ZFAT: variants seen among roughly 807,000 people sequenced by gnomAD.
ZFAT encodes zinc finger and AT-hook domain containing, also known as zinc finger protein ZFAT.
Under a neutral mutation model 117.7 loss-of-function variants are expected in ZFAT, and 64 were observed. The ratio of observed to expected loss-of-function variants is 0.54; its 90% CI spans 0.44 to 0.67. The LOEUF (loss-of-function observed/expected upper bound fraction) is 0.67. ZFAT is among the 30% of genes least tolerant of loss of function. The pLI is 0.00. For missense variants in ZFAT, 1,433 were observed against 1,584.5 expected (o/e 0.90, Z 1.62); for synonymous variants, 679 against 615.0 (o/e 1.10, Z -1.54).
At chr8:134,682,451 T>G (rs115308107) in intron 1 of ZFAT, among the ~76,000 whole-genome samples, 2,992 of 152,076 alleles carry the variant, frequency 0.02, 120 homozygotes, top group African/African-American at 0.069. Flanking sequence ...AGCTCAGGAG[T>G]TCGAGACCAC....
At chr8:134,743,431 G>A in the ZFAT span, among the ~76,000 whole-genome samples, 70 of 152,240 alleles carry the variant, frequency 4.6e-4, no homozygotes, top group African/African-American at 1.6e-3. Context: ...GGAGTTTGCA[G>A]TGAGCTGAGA....
At chr8:134,823,962 G>A in the ZFAT span, among the ~76,000 whole-genome samples, 1 of 152,272 alleles carries the variant, frequency 6.6e-6, no homozygotes, top group African/African-American at 2.4e-5. Flanking sequence ...ATTCACATTA[G>A]TGTTTATTAA....
At position 134,697,196 on chromosome 8, in the gene ZFAT, C is replaced by G. The variant is rs1376522303; in HGVS notation, c.19+15649G>C. Among the ~76,000 whole-genome samples the G allele has an allele frequency of 2.1e-4, 32 of 152,074 alleles. 1 individual carries two copies. Among genetic ancestry groups the G allele is most frequent in the African/African-American group, 6.5e-4 (27 of 41,432 alleles). On this transcript the variant is annotated intron_variant, in intron 1 of 15. Coordinates refer to ENST00000377838, the MANE Select transcript of ZFAT (RefSeq NM_020863.4). Reference sequence around the variant, plus strand: ...GTGGCACGATCTCGGCTTACTGCAACCTCCGCCTCCCTGGTTCAAGCAATT... The same window carrying G: ...GTGGCACGATCTCGGCTTACTGCAAGCTCCGCCTCCCTGGTTCAAGCAATT...
intron 3 of ZFAT, among the ~76,000 whole-genome samples, chr8:134,621,306 CT>C (rs1829088468): frequency 6.6e-6 from 1 of 151,972 alleles, no homozygotes; most frequent in Admixed American, 6.6e-5. Context: ...AGTATTTTCC[CT>C]TTAGTCAATA....
the ZFAT span, among the ~76,000 whole-genome samples, chr8:134,728,927 T>G: frequency 1.3e-5 from 2 of 152,254 alleles, no homozygotes; most frequent in African/African-American, 4.8e-5. Context: ...TTCTGGATTT[T>G]TTTTAATGGA....
the ZFAT span, among the ~76,000 whole-genome samples, chr8:134,727,810 T>C: frequency 6.6e-6 from 1 of 152,328 alleles, no homozygotes; most frequent in African/African-American, 2.4e-5. Context: ...AATAAAACCC[T>C]GTGGCTGTGT....
At chr8:134,747,618 G>A in the ZFAT span, among the ~76,000 whole-genome samples, 2 of 152,140 alleles carry the variant, frequency 1.3e-5, no homozygotes, top group Admixed American at 1.3e-4. Flanking sequence ...CACATAACAA[G>A]CTTGTGAAAT....
At position 134,637,682 on chromosome 8, in the gene ZFAT, C is replaced by T; in HGVS notation, c.227G>A (p.Arg76Lys). 2 of 1,614,110 alleles carry T rather than the reference C, an allele frequency of 1.2e-6. No individual in the cohort carries two copies. Among genetic ancestry groups the T allele is most frequent in the Non-Finnish European group, 1.7e-6 (2 of 1,180,032 alleles). The change falls in exon 3 of 16, where the codon AGG becomes AAG. Residue 76 changes from arginine to lysine, a missense_variant. Coordinates refer to ENST00000377838, the MANE Select transcript of ZFAT (RefSeq NM_020863.4). ...EFLVMKRKRG[R>K]PKGSTKKSST... Reference sequence around the variant, plus strand: ...GGACTTCTTCGTGGACCCCTTAGGCCTGCCTCTCTTCCTCTTCATGACCAA... The same window carrying T: ...GGACTTCTTCGTGGACCCCTTAGGCTTGCCTCTCTTCCTCTTCATGACCAA...
At chr8:134,640,234 G>C (rs12543474) in intron 2 of ZFAT, among the ~76,000 whole-genome samples, 65,580 of 152,024 alleles carry the variant, frequency 0.43, 14,320 homozygotes, top group South Asian at 0.59. Context: ...AAAGCTGAGA[G>C]AGGCCGCAGG....
rs28579560 is a variant in ZFAT, at chr8:134,563,417, G to C, written c.2976+1916C>G. ...TCTTCACTTCCTGGATATTGAAGGC[G>C]TACCAGCAGATCCCTCCGAGCCTCC... is the stretch of plus-strand genomic sequence containing the variant. On this transcript the variant is annotated intron_variant, in intron 11 of 15. Transcript: ENST00000377838. 3.8e-3 allele frequency among the ~76,000 whole-genome samples: 574 copies of C among 152,260 alleles called. 4 individuals are homozygous for C. The highest frequency in any genetic ancestry group is 0.013 in the African/African-American group (552 of 41,528).
chr8:134,767,549 A>G, the ZFAT span, among the ~76,000 whole-genome samples: 1 of 152,206 alleles, frequency 6.6e-6, no homozygotes, highest in Admixed American at 6.5e-5. Context: ...TAAGTAGCAC[A>G]TAACTGGCCA....
Position 134,509,662 on chromosome 8 carries a change from G to A in ZFAT, c.3449C>T (p.Ser1150Leu), listed in dbSNP as rs773594015. Residue 1150 changes from serine (S) to leucine (L), a missense_variant, in exon 15 of 16, where the codon TCG (serine) becomes TTG (leucine). This residue lies in a region of ZFAT where 503 missense variants were observed against 543.4 expected (regional missense o/e 0.93). Transcript: ENST00000377838. ...AETHDATALASVVAMAPGTVT... is the reference protein window; with the variant it reads ...AETHDATALALVVAMAPGTVT... ...CGTCCCTGGTGCCATGGCAACCACCGAGGCAAGGGCAGTGGCGTCATGGGT... is the reference window on the plus strand; with the variant it reads ...CGTCCCTGGTGCCATGGCAACCACCAAGGCAAGGGCAGTGGCGTCATGGGT... 3 of 1,613,444 alleles carry A rather than the reference G, an allele frequency of 1.9e-6. No homozygotes were observed. The highest frequency in any genetic ancestry group is 2.2e-5 in the East Asian group (1 of 44,844).
Position 134,712,739 on chromosome 8 carries a change from G to GGCGGCCGGC in ZFAT, c.19+97_19+105dup, listed in dbSNP as rs1245557085. ...CCTCCGCGGCCGGCGGCCGGCGGCC[G>GGCGGCCGGC]GCGGCCGGCGCACTGCTTCCCGACT... is the stretch of plus-strand genomic sequence containing the variant. On this transcript the variant is annotated intron_variant, in intron 1 of 15. Transcript: ENST00000377838. 3.9e-3 allele frequency: 4,421 copies of GGCGGCCGGC among 1,135,480 alleles called. 18 individuals are homozygous for GGCGGCCGGC. Among genetic ancestry groups the GGCGGCCGGC allele is most frequent in the Non-Finnish European group, 4.7e-3 (4,069 of 860,578 alleles). 70.3% of individuals were successfully genotyped at this position (1,135,480 alleles called of 1,614,324 possible). A position where few individuals can be genotyped will look rare whatever the true frequency, so the allele number is the denominator to read the frequency against.
chr8:134,699,550 C>T (rs977151343), intron 1 of ZFAT, among the ~76,000 whole-genome samples: 5 of 152,134 alleles, frequency 3.3e-5, no homozygotes, highest in Non-Finnish European at 7.3e-5. Flanking sequence ...GAAGAGCTGA[C>T]GGCCCAGGTG....
intron 3 of ZFAT, among the ~76,000 whole-genome samples, chr8:134,613,769 A>G (rs1828521440): frequency 6.6e-6 from 1 of 152,188 alleles, no homozygotes; most frequent in Admixed American, 6.5e-5. Context: ...TCCTCATGAG[A>G]AAAGTACCGC....
chr8:134,702,054 T>C (rs1379858036), intron 1 of ZFAT, among the ~76,000 whole-genome samples: 1 of 152,196 alleles, frequency 6.6e-6, no homozygotes, highest in Non-Finnish European at 1.5e-5. Context: ...CATAGTACAT[T>C]AGCAAACTCG....
chr8:134,761,745 G>C, the ZFAT span, among the ~76,000 whole-genome samples: 1 of 151,342 alleles, frequency 6.6e-6, no homozygotes, highest in East Asian at 1.9e-4. Flanking sequence ...ACAACAATAA[G>C]CACTTATTTT....
intron 1 of ZFAT, among the ~76,000 whole-genome samples, chr8:134,679,231 C>G (rs1309817514): frequency 3.3e-5 from 5 of 152,110 alleles, no homozygotes; most frequent in Non-Finnish European, 7.4e-5. Flanking sequence ...AGAACTTAAA[C>G]AAGTTTACAA....
chr8:134,652,722 C>A (rs1021088062), intron 2 of ZFAT, among the ~76,000 whole-genome samples: 2 of 152,146 alleles, frequency 1.3e-5, no homozygotes, highest in Non-Finnish European at 2.9e-5. Flanking sequence ...AAATGATACA[C>A]CATTTTTTGT....
Sources: gnomAD v4.1 joint callset for allele counts (sites outside exome capture counted in the v4.1 genomes callset) on GRCh38, gnomAD v4.1.1 for gene constraint, gnomAD v4.1.1 regional missense constraint, MANE v1.5 for transcripts, NCBI Gene and HGNC (gene_info 2026-07-23, HGNC 2026-07-21) for gene names.